The following OTOA variants were observed in gnomAD, a reference collection of about 807,000 sequenced individuals.
OTOA encodes cancer/testis antigen 108.
In OTOA, 70 loss-of-function variants were observed where a neutral mutation model predicts 110.8. The ratio of observed to expected loss-of-function variants is 0.63; its 90% CI spans 0.52 to 0.77. The LOEUF (loss-of-function observed/expected upper bound fraction) is 0.77, where lower values mean the gene tolerates loss of function less well. Among genes scored for constraint, OTOA ranks in the 30% least tolerant of loss-of-function variants. The pLI, the probability that OTOA is intolerant of heterozygous loss-of-function variation, is 0.00. For missense variants in OTOA, 917 were observed against 1,075.8 expected, an observed-to-expected ratio of 0.85 and a Z score of 2.06; for synonymous variants, 373 against 431.5, an observed-to-expected ratio of 0.86 and a Z score of 1.68.
chr16:21,703,266 T>C lies in OTOA; in HGVS notation c.981-1903T>C, dbSNP rs563984956. Among the ~76,000 whole-genome samples, 6 of 152,254 alleles carry C rather than the reference T, an allele frequency of 3.9e-5. No individual in the cohort carries two copies. In the East Asian group the frequency reaches 1.2e-3, roughly 29 times the overall value. The stretch of plus-strand genomic sequence containing the variant: ...CTTTGTCCAAGTCTCTCCAACTCCC[T>C]TCCCACCTCCAGCCCCTGGTACCAA... On this transcript the variant is annotated intron_variant, in intron 11 of 28. Transcript: ENST00000646100.
rs1309464923 is a variant in OTOA, at chr16:21,755,790, G to A, written c.3154-1292G>A. Among the ~76,000 whole-genome samples, 55 of 150,796 alleles carry A rather than the reference G, an allele frequency of 3.6e-4. No homozygotes were observed. The East Asian group carries it at 5.9e-3, about 16-fold the overall frequency. Reference sequence around the variant, plus strand: ...TGGGATTGTAGGCATGAGCCATGGCGCTTGACCGACCAGATGCTGAATCTT... The same window carrying A: ...TGGGATTGTAGGCATGAGCCATGGCACTTGACCGACCAGATGCTGAATCTT... On this transcript the variant is annotated intron_variant, in intron 27 of 28. Transcript: ENST00000646100.
rs369384808 is a variant in OTOA, at chr16:21,759,047, A to G, written c.3350-1423A>G. Among the ~76,000 whole-genome samples the G allele has an allele frequency of 2.6e-5, 4 of 152,278 alleles. No individual in the cohort carries two copies. The South Asian group carries it at 8.3e-4, about 32-fold the overall frequency. The stretch of plus-strand genomic sequence containing the variant: ...AAAAAACTTTCCATTGAAATATGAT[A>G]TGCATATATTTGAAAGTTATTTGTA... On this transcript the variant is annotated intron_variant, in intron 28 of 28. Coordinates refer to ENST00000646100, the MANE Select transcript of OTOA (RefSeq NM_144672.4).
intron 1 of OTOA, among the ~76,000 whole-genome samples, chr16:21,666,886 A>G (rs1422242325): frequency 1.3e-5 from 2 of 152,146 alleles, no homozygotes; most frequent in Admixed American, 6.6e-5. Flanking sequence ...GACATTATGC[A>G]CAGCAGAAAG....
intron 7 of OTOA, 147 bp downstream of exon 7, chr16:21,685,508 T>G: frequency 9.0e-7 from 1 of 1,116,018 alleles, no homozygotes; most frequent in Non-Finnish European, 1.3e-6. Flanking sequence ...CTGGGGGCTT[T>G]AGGACCTAAG....
rs778254728 is a variant in OTOA, at chr16:21,708,944, CAA to C, written c.1105-942_1105-941del. Among the ~76,000 whole-genome samples the C allele has an allele frequency of 9.7e-4, 147 of 152,160 alleles. 1 individual carries two copies. The highest frequency in any genetic ancestry group is 5.0e-3 in the Admixed American group (76 of 15,268). On this transcript the variant is annotated intron_variant, in intron 12 of 28. Transcript: ENST00000646100. ...TTATTAAAATGATCATAGAAATGTGCAAAGAGGTGCAAGAGATAATTTTAAGA... is the reference window on the plus strand; with the variant it reads ...TTATTAAAATGATCATAGAAATGTGCAGAGGTGCAAGAGATAATTTTAAGA...
At chr16:21,675,303 G>A (rs1183188984) in intron 1 of OTOA, among the ~76,000 whole-genome samples, 4 of 124,638 alleles carry the variant, frequency 3.2e-5, no homozygotes, top group Non-Finnish European at 3.2e-5. Context: ...CACCACACCT[G>A]GCTATTTTTT....
chr16:21,714,110 T>C (rs533113652), intron 13 of OTOA, among the ~76,000 whole-genome samples: 114 of 152,296 alleles, frequency 7.5e-4, no homozygotes, highest in African/African-American at 2.6e-3. Flanking sequence ...TGTCTTTTCA[T>C]AGAACCAAAG....
rs755186677 is a variant in OTOA, at chr16:21,710,071, A to G, written c.1288A>G (p.Ile430Val). Residue 430 changes from isoleucine (I) to valine (V), a missense_variant, in exon 13 of 29, where the codon ATC (isoleucine) becomes GTC (valine). By Grantham distance (29) the Ile-to-Val change is conservative. Coordinates refer to ENST00000646100, the MANE Select transcript of OTOA (RefSeq NM_144672.4). ...AGGTTGGGCCAAGAGCCAGGTCATCATCTTGTCTGCCAAATACTTGGCCCA... is the reference window on the plus strand; with the variant it reads ...AGGTTGGGCCAAGAGCCAGGTCATCGTCTTGTCTGCCAAATACTTGGCCCA... ...VSGWAKSQVI[I>V]LSAKYLAHEK... 1.2e-6 allele frequency: 2 copies of G among 1,613,884 alleles called. No homozygotes were observed. Among genetic ancestry groups the G allele is most frequent in the African/African-American group, 1.3e-5 (1 of 75,020 alleles).
At chr16:21,750,169 C>A (rs1207328951) in intron 24 of OTOA, among the ~76,000 whole-genome samples, 2 of 152,252 alleles carry the variant, frequency 1.3e-5, no homozygotes, top group Non-Finnish European at 2.9e-5. Context: ...AGTCCTAGAA[C>A]TTTGGGAGGC....
chr16:21,675,958 C>T (rs1281173572), intron 1 of OTOA, among the ~76,000 whole-genome samples: 6 of 152,128 alleles, frequency 3.9e-5, no homozygotes, highest in African/African-American at 7.2e-5. Context: ...GACAGGTTCT[C>T]GCTCTGTCAC....
intron 12 of OTOA, among the ~76,000 whole-genome samples, chr16:21,706,055 A>G (rs1567378332): frequency 6.6e-6 from 1 of 151,980 alleles, no homozygotes; most frequent in African/African-American, 2.4e-5. Flanking sequence ...GTGACTTTGC[A>G]CTCTAGTTGG....
At chr16:21,704,813 CGGA>C (rs202025858) in intron 11 of OTOA, 37,180 of 711,290 alleles carry the variant, frequency 0.052, 1,251 homozygotes, top group Middle Eastern at 0.096. Flanking sequence ...GTTTTATAGG[CGGA>C]GGGTAATGAG....
At chr16:21,681,939 C>T (rs1966899639) in intron 6 of OTOA, 114 bp downstream of exon 6, 2 of 965,522 alleles carry the variant, frequency 2.1e-6, no homozygotes, top group South Asian at 2.7e-5. Flanking sequence ...TTTGCTTCTG[C>T]AAGGAAAAGG....
chr16:21,687,151 T>A (rs1897732549), intron 7 of OTOA, among the ~76,000 whole-genome samples: 1 of 152,180 alleles, frequency 6.6e-6, no homozygotes, highest in South Asian at 2.1e-4. Context: ...AAAGGAAAGA[T>A]GCAGAATTCC....
intron 9 of OTOA, among the ~76,000 whole-genome samples, chr16:21,696,231 A>T (rs1010549777): frequency 6.6e-6 from 1 of 151,854 alleles, no homozygotes; most frequent in African/African-American, 2.4e-5. Flanking sequence ...CATCTCAGTG[A>T]TGGGGAATTT....
intron 9 of OTOA, among the ~76,000 whole-genome samples, chr16:21,695,910 T>TTTTTTTTTTTTTTTTTTA: frequency 7.3e-6 from 1 of 137,222 alleles, no homozygotes; most frequent in African/African-American, 2.7e-5. Flanking sequence ...TTTTTTTTTT[T>TTTTTTTTTTTTTTTTTTA]CTGAGATGGA....
At chr16:21,719,313 C>G in intron 16 of OTOA, 74 bp from the exon 17 acceptor site, 1 of 1,554,828 alleles carries the variant, frequency 6.4e-7, no homozygotes, top group African/African-American at 1.4e-5. Flanking sequence ...CTGATCATAT[C>G]TGCCTTCTCT....
chr16:21,698,121 T>A (rs771266497), intron 10 of OTOA, among the ~76,000 whole-genome samples: 1 of 152,122 alleles, frequency 6.6e-6, no homozygotes, highest in Non-Finnish European at 1.5e-5. Context: ...TAAGATCACA[T>A]CTCTGATGTG....
chr16:21,694,074 G>A (rs187768218), intron 9 of OTOA, among the ~76,000 whole-genome samples: 7 of 152,254 alleles, frequency 4.6e-5, no homozygotes, highest in Admixed American at 4.6e-4. Flanking sequence ...ACTAATGGAT[G>A]CTGAAATTTG....
Sources: gnomAD v4.1 joint callset for allele counts (sites outside exome capture counted in the v4.1 genomes callset) on GRCh38, gnomAD v4.1.1 for gene constraint, MANE v1.5 for transcripts, NCBI Gene and HGNC (gene_info 2026-07-23, HGNC 2026-07-21) for gene names.